USP6NL: variants seen among roughly 807,000 people sequenced by gnomAD.
USP6NL encodes USP6 N-terminal-like protein.
A neutral mutation model predicts 61.9 loss-of-function variants in USP6NL; 26 were observed. The observed-to-expected ratio is 0.42, with a 90% confidence interval of 0.31 to 0.58. The LOEUF is 0.58. Among genes scored for constraint, USP6NL ranks in the 20% least tolerant of loss-of-function variants. The pLI is 0.16. For synonymous variants in USP6NL, 432 were observed against 390.1 expected, an observed-to-expected ratio of 1.11 and a Z score of -1.27; for missense variants, 1,114 against 1,034.3, an observed-to-expected ratio of 1.08 and a Z score of -1.06.
chr10:11,600,234 T>C lies in USP6NL; in HGVS notation c.-83-2517A>G, dbSNP rs1297144279. 1.3e-5 allele frequency among the ~76,000 whole-genome samples: 2 copies of C among 152,234 alleles called. No homozygotes were observed. Among genetic ancestry groups the C allele is most frequent in the African/African-American group, 4.8e-5 (2 of 41,458 alleles). On this transcript the variant is annotated intron_variant, in intron 1 of 14. Transcript: ENST00000609104. This position sits in a 1 kb window ranked among gnomAD's most constrained non-coding sequence, Gnocchi z 4.1. ...CTTTCATCTCATTTTCCAGGTACTC[T>C]AAGTCTAAGGGCGTGGCCATATGAC...
In USP6NL at chr10:11,560,160, T is replaced by C. The variant is rs569714869; in HGVS notation, c.5-32593A>G. On this transcript the variant is annotated intron_variant, in intron 2 of 14. Transcript: ENST00000609104. The stretch of plus-strand genomic sequence containing the variant: ...ACATTGCAAATTCCTAATTTCCCAT[T>C]GTCTTCTATAATAACAGTCACTGAG... 2.0e-5 allele frequency among the ~76,000 whole-genome samples: 3 copies of C among 152,356 alleles called. No homozygotes were observed. In the South Asian group the frequency reaches 6.2e-4, roughly 32 times the overall value.
rs1156470230 is a variant in USP6NL, at chr10:11,611,471, G to C, written c.-112C>G. ...AGTACGGTCCCGACTGCTAGGCTGT[G>C]GGCAGCGGACAGAGCTGGCGGTCCC... is the stretch of plus-strand genomic sequence containing the variant. On this transcript the variant is annotated 5_prime_UTR_variant, in exon 1 of 15. Transcript: ENST00000609104. This position sits in a 1 kb window ranked among gnomAD's most constrained non-coding sequence, Gnocchi z 5.3. The C allele has an allele frequency of 1.3e-5, 2 of 155,782 alleles. No homozygotes were observed. The highest frequency in any genetic ancestry group is 2.4e-5 in the African/African-American group (1 of 41,396). 9.6% of individuals were successfully genotyped at this position (155,782 alleles called of 1,614,324 possible).
chr10:11,549,767 T>C (rs1419063656), intron 2 of USP6NL, among the ~76,000 whole-genome samples: 1 of 152,206 alleles, frequency 6.6e-6, no homozygotes, highest in African/African-American at 2.4e-5. Flanking sequence ...CCTTTACAAG[T>C]AGAAATTCTA....
At chr10:11,567,027 T>C (rs1292294953) in intron 2 of USP6NL, among the ~76,000 whole-genome samples, 7 of 152,230 alleles carry the variant, frequency 4.6e-5, no homozygotes. Flanking sequence ...GGCAGGAAAA[T>C]CACTTGAGCC....
rs940207130 is a variant in USP6NL, at chr10:11,595,757, A to C, written c.4+1874T>G. 6.6e-6 allele frequency among the ~76,000 whole-genome samples: 1 copy of C among 152,370 alleles called. No homozygotes were observed. The highest frequency in any genetic ancestry group is 2.1e-4 in the South Asian group (1 of 4,832). Reference sequence around the variant, plus strand: ...AACAATCAAAACATAAATTCCCTGAAGACAAAATTTTAAAATTATCAAATG... The same window carrying C: ...AACAATCAAAACATAAATTCCCTGACGACAAAATTTTAAAATTATCAAATG... On this transcript the variant is annotated intron_variant, in intron 2 of 14. Transcript: ENST00000609104. The surrounding 1 kb of genome is among the most constrained non-coding windows in gnomAD (Gnocchi z 5.3).
rs569620695 is a variant in USP6NL at position 11,600,965 on chromosome 10, C to G, written c.-83-3248G>C. The stretch of plus-strand genomic sequence containing the variant: ...CCTGGGCAACAGAGCAAGACTCTAT[C>G]TCAAAGAAAAAAAAAAAGCTTATCA... On this transcript the variant is annotated intron_variant, in intron 1 of 14. Transcript: ENST00000609104. This position sits in a 1 kb window ranked among gnomAD's most constrained non-coding sequence, Gnocchi z 4.1. Among the ~76,000 whole-genome samples, 3 of 150,784 alleles carry G rather than the reference C, an allele frequency of 2.0e-5. No individual in the cohort carries two copies. Among genetic ancestry groups the G allele is most frequent in the African/African-American group, 7.3e-5 (3 of 41,076 alleles).
At chr10:11,516,762 G>T in intron 5 of USP6NL, among the ~76,000 whole-genome samples, 1 of 152,196 alleles carries the variant, frequency 6.6e-6, no homozygotes, top group South Asian at 2.1e-4. Context: ...ATTTTTTAGT[G>T]ATTCCCCATT....
At position 11,485,485 on chromosome 10, in the gene USP6NL, A is replaced by T. The variant is rs1833423027; in HGVS notation, c.760-251T>A. The stretch of plus-strand genomic sequence containing the variant: ...TAGTAAGGCATATATATAGTTCACT[A>T]ACAACGAGTTTCTGTGACCCTGAAA... On this transcript the variant is annotated intron_variant, in intron 11 of 14. Coordinates refer to ENST00000609104, the MANE Select transcript of USP6NL (RefSeq NM_014688.5). This position sits in a 1 kb window ranked among gnomAD's most constrained non-coding sequence, Gnocchi z 4.8. Among the ~76,000 whole-genome samples, 1 of 152,214 alleles carries T rather than the reference A, an allele frequency of 6.6e-6. No homozygotes were observed. Among genetic ancestry groups the T allele is most frequent in the Admixed American group, 6.5e-5 (1 of 15,276 alleles).
Position 11,585,704 on chromosome 10 carries a change from A to C in USP6NL, c.4+11927T>G, listed in dbSNP as rs1057232890. Among the ~76,000 whole-genome samples the C allele has an allele frequency of 1.3e-5, 2 of 152,232 alleles. No homozygotes were observed. The highest frequency in any genetic ancestry group is 2.4e-5 in the African/African-American group (1 of 41,462). Reference sequence around the variant, plus strand: ...AATTAAATTGAATAAAAATTTAAAAAGGTGGAAGCAACCCAAGTGTCCACT... The same window carrying C: ...AATTAAATTGAATAAAAATTTAAAACGGTGGAAGCAACCCAAGTGTCCACT... On this transcript the variant is annotated intron_variant, in intron 2 of 14. Transcript: ENST00000609104. This position sits in a 1 kb window ranked among gnomAD's most constrained non-coding sequence, Gnocchi z 4.5.
intron 2 of USP6NL, among the ~76,000 whole-genome samples, chr10:11,555,937 A>G (rs1411611435): frequency 6.6e-6 from 1 of 152,208 alleles, no homozygotes; most frequent in African/African-American, 2.4e-5. Flanking sequence ...GGCAAAAATA[A>G]AGACATTTCC....
chr10:11,464,425 C>T (rs1832355343), intron 14 of USP6NL, among the ~76,000 whole-genome samples: 1 of 152,318 alleles, frequency 6.6e-6, no homozygotes, highest in East Asian at 1.9e-4. Flanking sequence ...GATAGGCAGA[C>T]AGTGCAGGGC....
chr10:11,596,795 C>T lies in USP6NL; in HGVS notation c.4+836G>A, dbSNP rs17460054. Among the ~76,000 whole-genome samples, 3 of 152,046 alleles carry T rather than the reference C, an allele frequency of 2.0e-5. No individual in the cohort carries two copies. On this transcript the variant is annotated intron_variant, in intron 2 of 14. Transcript: ENST00000609104. This position sits in a 1 kb window ranked among gnomAD's most constrained non-coding sequence, Gnocchi z 4.1. The stretch of plus-strand genomic sequence containing the variant: ...GCACTCCAATATTTTACAACAGCAG[C>T]GTCATTTTCACTTATCTACTGCCTA...
At chr10:11,555,471 A>AAGAGAGAGAGAGAG (rs1190819331) in intron 2 of USP6NL, among the ~76,000 whole-genome samples, 1 of 62,226 alleles carries the variant, frequency 1.6e-5, no homozygotes, top group African/African-American at 7.1e-5. Flanking sequence ...GAGAGAGAGA[A>AAGAGAGAGAGAGAG]AGAGAGAGAG....
intron 2 of USP6NL, chr10:11,565,759 T>C (rs907339478): frequency 6.6e-6 from 1 of 152,184 alleles, no homozygotes; most frequent in Non-Finnish European, 1.5e-5. Context: ...CGCTCACCAT[T>C]GAAGCCAATA....
chr10:11,607,670 GGTGAGACCCTGTCA>G (rs1838753466), intron 1 of USP6NL, among the ~76,000 whole-genome samples: 1 of 151,936 alleles, frequency 6.6e-6, no homozygotes, highest in Non-Finnish European at 1.5e-5. Flanking sequence ...TGGGTGACAG[GGTGAGACCCTGTCA>G]CAGGAAAAGG....
intron 4 of USP6NL, among the ~76,000 whole-genome samples, chr10:11,523,398 C>T (rs900654042): frequency 2.0e-5 from 3 of 152,170 alleles, no homozygotes; most frequent in African/African-American, 7.2e-5. Context: ...ATTTAGCTGG[C>T]ACCTATATTC....
At chr10:11,542,231 A>G (rs1836095284) in intron 2 of USP6NL, among the ~76,000 whole-genome samples, 1 of 152,246 alleles carries the variant, frequency 6.6e-6, no homozygotes, top group Admixed American at 6.5e-5. Flanking sequence ...ATCACGTAAT[A>G]CAAAGACAGA....
At position 11,518,039 on chromosome 10, in the gene USP6NL, C is replaced by CT. The variant is rs1227459029; in HGVS notation, c.195+495dup. 6.6e-6 allele frequency among the ~76,000 whole-genome samples: 1 copy of CT among 152,204 alleles called. No individual in the cohort carries two copies. Among genetic ancestry groups the CT allele is most frequent in the Non-Finnish European group, 1.5e-5 (1 of 68,044 alleles). ...GACAAGTTTACTATGTAACACTTCTCTAAGTACTTAAAATACTAAAATACT... is the reference window on the plus strand; with the variant it reads ...GACAAGTTTACTATGTAACACTTCTCTTAAGTACTTAAAATACTAAAATACT... On this transcript the variant is annotated intron_variant, in intron 5 of 14. Coordinates refer to ENST00000609104, the MANE Select transcript of USP6NL (RefSeq NM_014688.5). This position sits in a 1 kb window ranked among gnomAD's most constrained non-coding sequence, Gnocchi z 5.3.
At position 11,555,461 on chromosome 10, in the gene USP6NL, GAGAGAGAGAA is replaced by G. The variant is rs1335229180; in HGVS notation, c.5-27904_5-27895del. On this transcript the variant is annotated intron_variant, in intron 2 of 14. Coordinates refer to ENST00000609104, the MANE Select transcript of USP6NL (RefSeq NM_014688.5). ...ATATATATATATATATAGAGAGAGA[GAGAGAGAGAA>G]AGAGAGAGAGAGAGAGAGAGAGAAG... 2.7e-3 allele frequency among the ~76,000 whole-genome samples: 237 copies of G among 88,674 alleles called. 1 individual carries two copies. Among genetic ancestry groups the G allele is most frequent in the South Asian group, 3.4e-3 (8 of 2,338 alleles). 58.2% of individuals were successfully genotyped at this position (88,674 alleles called of 152,430 possible).
Sources: gnomAD v4.1 joint callset for allele counts (sites outside exome capture counted in the v4.1 genomes callset) on GRCh38, gnomAD v4.1.1 for gene constraint, Gnocchi (gnomAD v3.1) non-coding constraint, MANE v1.5 for transcripts, NCBI Gene and HGNC (gene_info 2026-07-23, HGNC 2026-07-21) for gene names.